Variants in ATP13A4 observed in about 807,000 individuals in gnomAD.
The protein encoded by ATP13A4 is probable cation-transporting ATPase 13A4.
In ATP13A4, 114 loss-of-function variants were observed where a neutral mutation model predicts 142.5. That is an observed-to-expected ratio of 0.80 (90% CI 0.69 to 0.93). The LOEUF is 0.93. Among genes scored for constraint, ATP13A4 ranks in the 40% least tolerant of loss-of-function variants. ATP13A4 has a pLI of 0.00. For synonymous variants in ATP13A4, 488 were observed against 514.8 expected (o/e 0.95, Z 0.70); for missense variants, 1,392 against 1,454.0 (o/e 0.96, Z 0.69).
chr3:193,484,288 C>T (rs6769472), intron 7 of ATP13A4, among the ~76,000 whole-genome samples: 71,284 of 150,598 alleles, frequency 0.47, 16,942 homozygotes, highest in African/African-American at 0.56. Context: ...CCAGCCTGGG[C>T]GACAGAACAA....
chr3:193,451,147 C>A (rs1325490581), intron 17 of ATP13A4, among the ~76,000 whole-genome samples: 1 of 152,154 alleles, frequency 6.6e-6, no homozygotes, highest in Non-Finnish European at 1.5e-5. Flanking sequence ...GAACCTGGTG[C>A]CTTCCCTATT....
chr3:193,440,465 T>TGTCAAACTGACAAGG (rs1294160784), intron 21 of ATP13A4, 93 bp downstream of exon 21: 7 of 1,590,690 alleles, frequency 4.4e-6, no homozygotes, highest in Non-Finnish European at 6.0e-6. Context: ...CCACTGCCCT[T>TGTCAAACTGACAAGG]GTCAAACTGA....
chr3:193,581,522 G>A (rs374848224), intron 2 of ATP13A4, among the ~76,000 whole-genome samples: 4 of 152,204 alleles, frequency 2.6e-5, no homozygotes, highest in South Asian at 4.2e-4. Context: ...TGATAACCAC[G>A]TGCCTAGAAA....
exon 2 of ATP13A4, chr3:193,581,814 G>A (rs1406535057): frequency 6.6e-6 from 1 of 152,112 alleles, no homozygotes; most frequent in Non-Finnish European, 1.5e-5. Flanking sequence ...AAAACCAGAA[G>A]AGCCTTGAAT....
At chr3:193,548,885 T>G (rs975178481) in intron 1 of ATP13A4, among the ~76,000 whole-genome samples, 36 of 152,320 alleles carry the variant, frequency 2.4e-4, no homozygotes, top group Admixed American at 2.1e-3. Flanking sequence ...ACTGCTAGTT[T>G]TTAGTTACCC....
At chr3:193,556,616 A>T (rs575590917), upstream of ATP13A4, among the ~76,000 whole-genome samples, 1 of 151,922 alleles carries the variant, frequency 6.6e-6, no homozygotes, top group East Asian at 1.9e-4. Context: ...TATAAGGAGT[A>T]AAGGGTTTAT....
chr3:193,418,781 A>T (rs1450375217), intron 25 of ATP13A4, among the ~76,000 whole-genome samples: 3 of 149,902 alleles, frequency 2.0e-5, no homozygotes, highest in African/African-American at 7.4e-5. Flanking sequence ...CTACAAGGCT[A>T]CTGCACTATG....
At chr3:193,530,135 C>T (rs1249474999) in intron 1 of ATP13A4, among the ~76,000 whole-genome samples, 2 of 152,182 alleles carry the variant, frequency 1.3e-5, no homozygotes, top group Admixed American at 1.3e-4. Flanking sequence ...TGTCCTATAA[C>T]TACTCACCAT....
intron 8 of ATP13A4, among the ~76,000 whole-genome samples, chr3:193,477,185 G>T (rs562010024): frequency 9.9e-5 from 15 of 152,164 alleles, no homozygotes; most frequent in African/African-American, 3.6e-4. Context: ...AACATTGCCT[G>T]TATAACTATT....
At chr3:193,461,919 T>C (rs977552798) in intron 13 of ATP13A4, among the ~76,000 whole-genome samples, 7 of 152,088 alleles carry the variant, frequency 4.6e-5, no homozygotes, top group African/African-American at 1.7e-4. Context: ...CCGTCTTTTC[T>C]TGCTAGGAAA....
chr3:193,510,087 T>C (rs1057493723), intron 2 of ATP13A4, among the ~76,000 whole-genome samples: 8 of 152,118 alleles, frequency 5.3e-5, no homozygotes, highest in Non-Finnish European at 1.0e-4. Context: ...CAGTAGAAAG[T>C]GGTCCTGGTG....
At chr3:193,525,662 G>A (rs989344681) in intron 1 of ATP13A4, among the ~76,000 whole-genome samples, 4 of 152,138 alleles carry the variant, frequency 2.6e-5, no homozygotes, top group African/African-American at 9.7e-5. Context: ...TACACTATGT[G>A]CCAGACACTG....
intron 2 of ATP13A4, among the ~76,000 whole-genome samples, chr3:193,513,015 G>C (rs2108683965): frequency 6.6e-6 from 1 of 152,300 alleles, no homozygotes; most frequent in African/African-American, 2.4e-5. Flanking sequence ...CTTCCTTAAA[G>C]TCTTAAAGCT....
chr3:193,459,813 C>T (rs1576986239), intron 13 of ATP13A4, among the ~76,000 whole-genome samples: 1 of 152,124 alleles, frequency 6.6e-6, no homozygotes. Flanking sequence ...CAACCATTAT[C>T]CCCATCATCT....
chr3:193,536,862 A>C (rs1722615172), intron 1 of ATP13A4, among the ~76,000 whole-genome samples: 1 of 152,050 alleles, frequency 6.6e-6, no homozygotes, highest in Non-Finnish European at 1.5e-5. Flanking sequence ...TACTACTACA[A>C]TCACTCCAAA....
chr3:193,517,772 A>G (rs1721506171), intron 1 of ATP13A4, among the ~76,000 whole-genome samples: 1 of 152,160 alleles, frequency 6.6e-6, no homozygotes, highest in South Asian at 2.1e-4. Flanking sequence ...CGCCCGGCCT[A>G]CAACCGACTG....
intron 25 of ATP13A4, among the ~76,000 whole-genome samples, chr3:193,426,400 G>A (rs1056768212): frequency 6.6e-6 from 1 of 151,716 alleles, no homozygotes; most frequent in Non-Finnish European, 1.5e-5. Context: ...CATATTAATG[G>A]ATTGGAAGAC....
intron 13 of ATP13A4, 48 bp downstream of exon 13, chr3:193,462,714 A>C (rs774378526): frequency 6.4e-7 from 1 of 1,562,682 alleles, no homozygotes. Flanking sequence ...GGAATTTTGG[A>C]AAAAGAGACA....
chr3:193,430,722 C>T (rs1715924032), intron 25 of ATP13A4, among the ~76,000 whole-genome samples: 1 of 152,042 alleles, frequency 6.6e-6, no homozygotes, highest in Non-Finnish European at 1.5e-5. Context: ...ACCAGTACAG[C>T]AGTCACATCA....
Sources: gnomAD v4.1 joint callset for allele counts (sites outside exome capture counted in the v4.1 genomes callset) on GRCh38, gnomAD v4.1.1 for gene constraint, MANE v1.5 for transcripts, NCBI Gene and HGNC (gene_info 2026-07-23, HGNC 2026-07-21) for gene names.